Variants in SH3BP2 observed in about 807,000 individuals in gnomAD.
SH3BP2 encodes SH3 domain binding protein 2, also known as SH3 domain-binding protein 2.
Under a neutral mutation model 56.2 loss-of-function variants are expected in SH3BP2, and 38 were observed. The ratio of observed to expected loss-of-function variants is 0.68; its 90% CI spans 0.52 to 0.89. SH3BP2 has a LOEUF of 0.89. SH3BP2 is among the 40% of genes least tolerant of loss of function. The pLI, the probability that SH3BP2 is intolerant of heterozygous loss-of-function variation, is 0.00. For missense variants in SH3BP2, 748 were observed against 762.6 expected, an observed-to-expected ratio of 0.98 and a Z score of 0.23; for synonymous variants, 346 against 316.7, an observed-to-expected ratio of 1.09 and a Z score of -0.98.
intron 7 of SH3BP2, among the ~76,000 whole-genome samples, chr4:2,828,360 C>T (rs1190935054): frequency 1.3e-5 from 2 of 152,088 alleles, no homozygotes; most frequent in Non-Finnish European, 2.9e-5. Flanking sequence ...GACCCCAGCC[C>T]CTGACCCCGT....
intron 1 of SH3BP2, among the ~76,000 whole-genome samples, chr4:2,805,921 C>T (rs962040994): frequency 6.6e-6 from 1 of 152,200 alleles, no homozygotes; most frequent in African/African-American, 2.4e-5. Context: ...TCTGTCTGTG[C>T]CAAGGGCCGC....
At chr4:2,821,619 G>T (rs1387022498) in intron 2 of SH3BP2, among the ~76,000 whole-genome samples, 1 of 151,958 alleles carries the variant, frequency 6.6e-6, no homozygotes, top group Non-Finnish European at 1.5e-5. Flanking sequence ...GAGTGTAGTG[G>T]CGTGATCATG....
intron 1 of SH3BP2, among the ~76,000 whole-genome samples, chr4:2,806,763 G>A (rs1291439156): frequency 1.3e-5 from 2 of 152,310 alleles, no homozygotes; most frequent in African/African-American, 2.4e-5. Flanking sequence ...GGGCAGTCCC[G>A]ACTCCCATGC....
intron 1 of SH3BP2, among the ~76,000 whole-genome samples, chr4:2,805,805 G>T (rs1422360758): frequency 6.6e-6 from 1 of 152,200 alleles, no homozygotes; most frequent in Non-Finnish European, 1.5e-5. Flanking sequence ...GAGGGGCCAA[G>T]GGGCAAGGGC....
chr4:2,823,433 C>G (rs1478824466), intron 3 of SH3BP2: 3 of 460,740 alleles, frequency 6.5e-6, no homozygotes, highest in Non-Finnish European at 1.3e-5. Context: ...CTGTCCCAAA[C>G]AGAGGCTGGG....
intron 1 of SH3BP2, among the ~76,000 whole-genome samples, chr4:2,805,437 G>A (rs79273851): frequency 2.0e-5 from 3 of 152,160 alleles, no homozygotes; most frequent in Non-Finnish European, 4.4e-5. Flanking sequence ...TGGCCAGATG[G>A]TGTAATTCAG....
At chr4:2,802,464 ATATGTG>A (rs1723329769) in intron 1 of SH3BP2, among the ~76,000 whole-genome samples, 1 of 149,126 alleles carries the variant, frequency 6.7e-6, no homozygotes, top group Non-Finnish European at 1.5e-5. Context: ...GTGTGTGTAT[ATATGTG>A]TATGTGTATA....
chr4:2,833,588 G>GTGATGCCGCTGT, intron 12 of SH3BP2, 109 bp from the exon 13 acceptor site: 1 of 1,440,878 alleles, frequency 6.9e-7, no homozygotes. Flanking sequence ...GGCCAGCCTG[G>GTGATGCCGCTGT]TGATGCCGCT....
At chr4:2,822,125 A>G (rs1724341227) in intron 2 of SH3BP2, among the ~76,000 whole-genome samples, 1 of 152,088 alleles carries the variant, frequency 6.6e-6, no homozygotes, top group African/African-American at 2.4e-5. Flanking sequence ...TTGGCCTCCT[A>G]AAGTTCTGGG....
At chr4:2,833,302 C>T (rs1442733061) in intron 12 of SH3BP2, 2 of 591,794 alleles carry the variant, frequency 3.4e-6, no homozygotes, top group African/African-American at 3.7e-5. Flanking sequence ...GGTTGCTTGT[C>T]TTGTCTTTTT....
Position 2,827,639 on chromosome 4 carries a change from TGGAGCCTGACTCCCC to T in SH3BP2, c.558_572del (p.Asp187_Pro191del). 1 of 1,536,082 alleles carries T rather than the reference TGGAGCCTGACTCCCC, an allele frequency of 6.5e-7. No homozygotes were observed. Among genetic ancestry groups the T allele is most frequent in the Non-Finnish European group, 8.8e-7 (1 of 1,134,772 alleles). ...CACGACGATGAGGATGACTCCTACC[TGGAGCCTGACTCCCC>T]GGAGCCCGGAAGGCTTGAGGGTAGG... On this transcript the variant is annotated inframe_deletion, in exon 7 of 13. Coordinates refer to ENST00000503393, the MANE Select transcript of SH3BP2 (RefSeq NM_001122681.2).
intron 1 of SH3BP2, among the ~76,000 whole-genome samples, chr4:2,802,254 G>T (rs1723310964): frequency 6.6e-6 from 1 of 152,088 alleles, no homozygotes; most frequent in South Asian, 2.1e-4. Flanking sequence ...CAAATTAGCT[G>T]GGTGTGGTGG....
intron 2 of SH3BP2, among the ~76,000 whole-genome samples, chr4:2,821,082 G>A (rs995684148): frequency 2.6e-5 from 4 of 152,204 alleles, no homozygotes; most frequent in African/African-American, 9.7e-5. Context: ...CAGTGAGTTA[G>A]TTGGTCACTT....
intron 1 of SH3BP2, among the ~76,000 whole-genome samples, chr4:2,807,654 A>G (rs1474236618): frequency 6.6e-6 from 1 of 152,186 alleles, no homozygotes; most frequent in East Asian, 1.9e-4. Context: ...TCGGGGGCCC[A>G]GGGCAGGAAG....
intron 1 of SH3BP2, among the ~76,000 whole-genome samples, chr4:2,806,567 A>G (rs1723542512): frequency 6.6e-6 from 1 of 151,790 alleles, no homozygotes; most frequent in Non-Finnish European, 1.5e-5. Flanking sequence ...CTTCCCCCAG[A>G]CCCACCTCGC....
intron 1 of SH3BP2, chr4:2,794,384 TCTC>T (rs980571621): frequency 1.3e-5 from 2 of 152,224 alleles, no homozygotes; most frequent in African/African-American, 2.4e-5. Context: ...CTGTCCACTG[TCTC>T]CTCTACGTAG....
At chr4:2,815,195 C>G (rs927938192) in intron 1 of SH3BP2, among the ~76,000 whole-genome samples, 2 of 152,234 alleles carry the variant, frequency 1.3e-5, no homozygotes, top group Non-Finnish European at 2.9e-5. Flanking sequence ...TCAGCCTGGC[C>G]TGGCACTGGG....
intron 1 of SH3BP2, among the ~76,000 whole-genome samples, chr4:2,801,137 G>A (rs958984988): frequency 2.0e-5 from 3 of 152,216 alleles, no homozygotes; most frequent in Admixed American, 6.5e-5. Context: ...CCAGACTGCA[G>A]GGGTGCAGAG....
intron 1 of SH3BP2, chr4:2,818,466 C>T: frequency 2.3e-6 from 2 of 852,428 alleles, no homozygotes; most frequent in Non-Finnish European, 3.0e-6. Context: ...GCACCCCGAG[C>T]CCCTGGACCA....
Sources: allele counts gnomAD v4.1 joint callset (sites outside exome capture counted in the v4.1 genomes callset), GRCh38; gene constraint gnomAD v4.1.1; transcripts MANE v1.5; gene names NCBI Gene and HGNC (gene_info 2026-07-23, HGNC 2026-07-21).